RPTOR: variants seen among roughly 807,000 people sequenced by gnomAD.
RPTOR encodes regulatory associated protein of MTOR complex 1.
Under a neutral mutation model 169.9 loss-of-function variants are expected in RPTOR, and 21 were observed. That is an observed-to-expected ratio of 0.12 (90% CI 0.09 to 0.18). RPTOR has a LOEUF of 0.18. Ranked by LOEUF, RPTOR falls within the 10% of genes least tolerant of loss-of-function variation. The probability of loss-of-function intolerance (pLI) is 1.00; values close to 1 mark genes in which losing one functional copy is unlikely to be tolerated. For missense variants in RPTOR, 1,133 were observed against 1,855.9 expected (o/e 0.61, Z 7.16); for synonymous variants, 732 against 753.2 (o/e 0.97, Z 0.46).
chr17:80,892,903 A>C, intron 19 of RPTOR, 34 bp downstream of exon 19: 1 of 1,605,780 alleles, frequency 6.2e-7, no homozygotes, highest in South Asian at 1.1e-5. Flanking sequence ...TTGGATTGGG[A>C]GAGATTGGGG....
intron 5 of RPTOR, among the ~76,000 whole-genome samples, chr17:80,742,416 C>A (rs139162292): frequency 1.3e-5 from 2 of 151,824 alleles, no homozygotes; most frequent in Non-Finnish European, 2.9e-5. Context: ...AGGATGCAGA[C>A]GCACAGCACA....
intron 3 of RPTOR, among the ~76,000 whole-genome samples, chr17:80,683,092 C>T (rs1462121218): frequency 6.6e-6 from 1 of 152,206 alleles, no homozygotes; most frequent in Non-Finnish European, 1.5e-5. Context: ...GCGAGCCAAG[C>T]GCTCAGCTGA....
intron 28 of RPTOR, among the ~76,000 whole-genome samples, chr17:80,956,825 G>A (rs2069256472): frequency 6.6e-6 from 1 of 152,084 alleles, no homozygotes; most frequent in South Asian, 2.1e-4. Context: ...CTGGACAGTG[G>A]ACACCTTAGA....
intron 3 of RPTOR, among the ~76,000 whole-genome samples, chr17:80,700,734 TGGTGGTGGTGGTGGTGG>T (rs2066089613): frequency 9.6e-6 from 1 of 104,462 alleles, no homozygotes; most frequent in East Asian, 3.1e-4. Context: ...GTGGTGATGA[TGGTGGTGGTGGTGGTGG>T]TGATGATGGT....
rs552183716 is a variant in RPTOR at position 80,770,337 on chromosome 17, G to A, written c.830+16152G>A. ...TCCTCAGATCCAACAGGAATTTTAG[G>A]AGGGACGTGCCTTCTCAGCGTAGCA... On this transcript the variant is annotated intron_variant, in intron 6 of 33. Coordinates refer to ENST00000306801, the MANE Select transcript of RPTOR (RefSeq NM_020761.3). 2.6e-5 allele frequency among the ~76,000 whole-genome samples: 4 copies of A among 152,320 alleles called. No individual in the cohort carries two copies. The South Asian group carries it at 8.3e-4, about 32-fold the overall frequency.
At chr17:80,608,574 C>T (rs935644718) in intron 1 of RPTOR, among the ~76,000 whole-genome samples, 8 of 152,160 alleles carry the variant, frequency 5.3e-5, no homozygotes, top group Non-Finnish European at 1.2e-4. Context: ...GAGAGGTTAA[C>T]GGACGTGACT....
chr17:80,925,312 G>T, intron 23 of RPTOR, 58 bp from the exon 24 acceptor site: 1 of 1,451,024 alleles, frequency 6.9e-7, no homozygotes, highest in Non-Finnish European at 9.6e-7. Context: ...GAGCTCAGGA[G>T]TGGCATGACT....
At chr17:80,678,072 C>T (rs575537993) in intron 3 of RPTOR, among the ~76,000 whole-genome samples, 39 of 152,326 alleles carry the variant, frequency 2.6e-4, no homozygotes, top group African/African-American at 8.9e-4. Context: ...ACACAATATA[C>T]TCCAACTTGA....
chr17:80,805,099 A>G (rs139126183), intron 7 of RPTOR: 9 of 151,864 alleles, frequency 5.9e-5, no homozygotes, highest in Middle Eastern at 3.4e-3. Context: ...GGAAGACACA[A>G]TTTACAACCA....
chr17:80,884,858 T>A, intron 16 of RPTOR, 150 bp from the exon 17 acceptor site: 1 of 1,081,538 alleles, frequency 9.2e-7, no homozygotes. Context: ...CCGTTGCCAC[T>A]CTGATAGTGC....
chr17:80,757,354 G>T (rs548336448), intron 6 of RPTOR, among the ~76,000 whole-genome samples: 1 of 152,150 alleles, frequency 6.6e-6, no homozygotes, highest in Non-Finnish European at 1.5e-5. Context: ...CTTCCCTGAC[G>T]CCACGTTGTT....
rs11399351 is a variant in RPTOR, at chr17:80,638,411, C to CTTTT, written c.266-5302_266-5299dup. ...AAATGCTGTTTTCTTTTCTTCCTTT[C>CTTTT]TTTTTTTTTTTTTTTTTTGAGACGG... On this transcript the variant is annotated intron_variant, in intron 2 of 33. Transcript: ENST00000306801. Among the ~76,000 whole-genome samples the CTTTT allele has an allele frequency of 1.6e-4, 20 of 126,274 alleles. 1 individual carries two copies. The highest frequency in any genetic ancestry group is 2.5e-4 in the South Asian group (1 of 3,928). 82.8% of individuals were successfully genotyped at this position (126,274 alleles called of 152,430 possible).
chr17:80,951,715 T>C (rs989326720), intron 28 of RPTOR, among the ~76,000 whole-genome samples: 3 of 152,244 alleles, frequency 2.0e-5, no homozygotes, highest in Admixed American at 1.3e-4. Context: ...AGGGTTCACC[T>C]GACTATACCC....
intron 1 of RPTOR, among the ~76,000 whole-genome samples, chr17:80,596,100 G>T (rs6565701): frequency 1 from 151,827 of 152,338 alleles, 75,665 homozygotes; most frequent in Non-Finnish European, 1. Flanking sequence ...TGGAAAACAT[G>T]GTCCTCCAGA....
intron 24 of RPTOR, among the ~76,000 whole-genome samples, chr17:80,937,428 C>G (rs1402425512): frequency 1.3e-4 from 20 of 152,216 alleles, no homozygotes; most frequent in Non-Finnish European, 2.6e-4. Context: ...TGGGGAACCT[C>G]TAATCTCCCT....
chr17:80,843,063 T>C (rs1193538934), intron 10 of RPTOR, among the ~76,000 whole-genome samples: 1 of 152,234 alleles, frequency 6.6e-6, no homozygotes, highest in Non-Finnish European at 1.5e-5. Flanking sequence ...TCCCCGAGTT[T>C]GCCTCAGTTA....
At chr17:80,877,213 C>T (rs920746706) in intron 13 of RPTOR, among the ~76,000 whole-genome samples, 3 of 152,226 alleles carry the variant, frequency 2.0e-5, no homozygotes, top group African/African-American at 7.2e-5. Flanking sequence ...GGCGAGTGAG[C>T]AGCAGCCGAG....
intron 7 of RPTOR, among the ~76,000 whole-genome samples, chr17:80,819,775 C>T (rs551935231): frequency 6.6e-6 from 1 of 152,304 alleles, no homozygotes. Context: ...AGCTGTGTAA[C>T]GTAGAGTGTG....
At chr17:80,620,438 G>T (rs1739467948) in intron 1 of RPTOR, among the ~76,000 whole-genome samples, 1 of 152,114 alleles carries the variant, frequency 6.6e-6, no homozygotes, top group Non-Finnish European at 1.5e-5. Flanking sequence ...ATGCCAAAAA[G>T]ACATTTTAGG....
Sources: allele counts gnomAD v4.1 joint callset (sites outside exome capture counted in the v4.1 genomes callset), GRCh38; gene constraint gnomAD v4.1.1; transcripts MANE v1.5; gene names NCBI Gene and HGNC (gene_info 2026-07-23, HGNC 2026-07-21).